PAMR1: variants seen among roughly 807,000 people sequenced by gnomAD.
PAMR1 encodes peptidase domain containing associated with muscle regeneration 1, also known as inactive serine protease PAMR1.
PAMR1 carries 88 observed loss-of-function variants against 81.8 expected under a neutral mutation model. The ratio of observed to expected loss-of-function variants is 1.08; its 90% confidence interval spans 0.91 to 1.28. PAMR1 has a LOEUF of 1.28. PAMR1 is among the 50% of genes most tolerant of loss of function. The pLI, the probability that PAMR1 is intolerant of heterozygous loss-of-function variation, is 0.00. For synonymous variants in PAMR1, 336 were observed against 345.3 expected, an observed-to-expected ratio of 0.97 and a Z score of 0.30; for missense variants, 935 against 919.7, an observed-to-expected ratio of 1.02 and a Z score of -0.21.
At chr11:35,482,968 T>C (rs768706334) in intron 3 of PAMR1, among the ~76,000 whole-genome samples, 7 of 152,244 alleles carry the variant, frequency 4.6e-5, no homozygotes, top group Non-Finnish European at 7.3e-5. Flanking sequence ...TATGTAAAAG[T>C]TTCTTGTTTG....
At chr11:35,480,932 C>T (rs1291469048) in intron 3 of PAMR1, among the ~76,000 whole-genome samples, 1 of 152,176 alleles carries the variant, frequency 6.6e-6, no homozygotes, top group Non-Finnish European at 1.5e-5. Flanking sequence ...TCAGCTCCCA[C>T]TTATGAGTGA....
chr11:35,463,458 T>C lies in PAMR1; in HGVS notation c.820+4543A>G, dbSNP rs180720663. ...CTGGGCCGGGGGAACAAAGGCAACA[T>C]GGAAATTAGAGCAGGACGATGAATC... On this transcript the variant is annotated intron_variant, in intron 6 of 10. Transcript: ENST00000619888. Among the ~76,000 whole-genome samples the C allele has an allele frequency of 5.9e-3, 896 of 152,268 alleles. 7 individuals carry two copies. Among genetic ancestry groups the C allele is most frequent in the Middle Eastern group, 0.024 (7 of 294 alleles).
intron 1 of PAMR1, among the ~76,000 whole-genome samples, chr11:35,523,373 G>C (rs1404731095): frequency 6.6e-6 from 1 of 152,160 alleles, no homozygotes; most frequent in Non-Finnish European, 1.5e-5. Context: ...ATTCCCAAGA[G>C]TCCCATATTT....
chr11:35,472,712 T>C (rs1477786278), intron 4 of PAMR1, among the ~76,000 whole-genome samples: 1 of 151,990 alleles, frequency 6.6e-6, no homozygotes, highest in East Asian at 1.9e-4. Flanking sequence ...GGCAGGGGAA[T>C]CTGTAAGTGC....
In PAMR1 at chr11:35,456,048, A is replaced by G. The variant is rs543989326; in HGVS notation, c.820+11953T>C. ...AAGGGATGTCACTGCAGGAAATTCA[A>G]TTTTACTTCTTTGGGCCAACTCAAT... On this transcript the variant is annotated intron_variant, in intron 6 of 10. Transcript: ENST00000619888. Among the ~76,000 whole-genome samples, 3 of 152,326 alleles carry G rather than the reference A, an allele frequency of 2.0e-5. No individual in the cohort carries two copies. The East Asian group carries it at 5.8e-4, about 29-fold the overall frequency.
At chr11:35,436,549 T>C (rs1856049683) in intron 8 of PAMR1, among the ~76,000 whole-genome samples, 1 of 152,164 alleles carries the variant, frequency 6.6e-6, no homozygotes, top group Non-Finnish European at 1.5e-5. Flanking sequence ...CCTCCCAAAG[T>C]GCTGGGATTA....
chr11:35,434,121 T>A (rs1855979665), intron 10 of PAMR1, among the ~76,000 whole-genome samples: 1 of 152,138 alleles, frequency 6.6e-6, no homozygotes, highest in African/African-American at 2.4e-5. Context: ...ACAACATTCA[T>A]GGAGCTAACG....
At chr11:35,504,853 C>T (rs1280784557) in intron 1 of PAMR1, among the ~76,000 whole-genome samples, 1 of 151,590 alleles carries the variant, frequency 6.6e-6, no homozygotes. Context: ...TTTTTAGTCT[C>T]AATTTAATTT....
In PAMR1 at chr11:35,470,610, C is replaced by T; in HGVS notation, c.703G>A (p.Glu235Lys). Reference sequence around the variant, plus strand: ...TCTCCTTGGCCTTTACCTGTGATCTCCTCATAAATGGCATGGAAACCGTCA... The same window carrying T: ...TCTCCTTGGCCTTTACCTGTGATCTTCTCATAAATGGCATGGAAACCGTCA... ...NFDGFHAIYE[E>K]ITACSSSPCF... is the part of the protein sequence containing the mutation. The change falls in exon 5 of 11, where the codon GAG (glutamate) becomes AAG (lysine). Residue 235 changes from glutamate to lysine, a missense_variant. Glu to Lys is a moderately conservative substitution (Grantham distance 56). Coordinates refer to ENST00000619888, the MANE Select transcript of PAMR1 (RefSeq NM_001001991.3). 6.2e-7 allele frequency: 1 copy of T among 1,613,872 alleles called. No individual in the cohort carries two copies. The highest frequency in any genetic ancestry group is 8.5e-7 in the Non-Finnish European group (1 of 1,179,798).
chr11:35,515,377 T>C (rs1046236747), intron 1 of PAMR1, among the ~76,000 whole-genome samples: 4 of 152,196 alleles, frequency 2.6e-5, no homozygotes, highest in South Asian at 4.1e-4. Flanking sequence ...TGTAGAAATA[T>C]GTTGAGCCAG....
At chr11:35,515,423 C>T (rs1406330010) in intron 1 of PAMR1, among the ~76,000 whole-genome samples, 2 of 152,150 alleles carry the variant, frequency 1.3e-5, no homozygotes, top group East Asian at 1.9e-4. Flanking sequence ...CAATGGGTCC[C>T]GAAGCCCTGA....
intron 1 of PAMR1, among the ~76,000 whole-genome samples, chr11:35,518,297 G>T (rs1851206492): frequency 6.6e-6 from 1 of 151,934 alleles, no homozygotes; most frequent in African/African-American, 2.4e-5. Context: ...TAGAAGCTAA[G>T]CCCAGGCAAC....
rs377068490 is a variant in PAMR1 at position 35,492,056 on chromosome 11, C to T, written c.368G>A (p.Gly123Glu). Reference protein sequence around the residue: ...CAECRAGWYGGDCMRCGQVLR... With the variant: ...CAECRAGWYGEDCMRCGQVLR... Reference sequence around the variant, plus strand: ...CAAGGTCTACTTACGCATGCAGTCTCCTCCGTACCAGCCTGCTCGGCACTC... The same window carrying T: ...CAAGGTCTACTTACGCATGCAGTCTTCTCCGTACCAGCCTGCTCGGCACTC... The change falls in exon 3 of 11, where the codon GGA becomes GAA. Residue 123 changes from glycine (G) to glutamate (E), a missense_variant. Transcript: ENST00000619888. 1.9e-6 allele frequency: 3 copies of T among 1,613,426 alleles called. No homozygotes were observed. Among genetic ancestry groups the T allele is most frequent in the South Asian group, 1.1e-5 (1 of 90,942 alleles).
chr11:35,440,661 C>T (rs1856145584), intron 7 of PAMR1, among the ~76,000 whole-genome samples: 1 of 152,180 alleles, frequency 6.6e-6, no homozygotes, highest in Admixed American at 6.5e-5. Flanking sequence ...CAGTGAGAAA[C>T]TATGCATCCC....
chr11:35,483,025 T>A (rs1480001968), intron 3 of PAMR1, among the ~76,000 whole-genome samples: 2 of 152,206 alleles, frequency 1.3e-5, no homozygotes, highest in African/African-American at 4.8e-5. Flanking sequence ...TGACTGGTTG[T>A]TCTCTTGAAT....
At chr11:35,477,687 CTGTT>C (rs1375646311) in intron 3 of PAMR1, among the ~76,000 whole-genome samples, 1 of 152,160 alleles carries the variant, frequency 6.6e-6, no homozygotes, top group Non-Finnish European at 1.5e-5. Context: ...TAAATGTTAG[CTGTT>C]TGTATCGAGT....
At chr11:35,437,523 C>T (rs1427343732) in intron 8 of PAMR1, among the ~76,000 whole-genome samples, 1 of 152,256 alleles carries the variant, frequency 6.6e-6, no homozygotes, top group Non-Finnish European at 1.5e-5. Flanking sequence ...AGCTCCTGAA[C>T]TTGCAAACAA....
upstream of PAMR1, among the ~76,000 whole-genome samples, chr11:35,528,602 A>T (rs930389662): frequency 1.3e-5 from 2 of 151,550 alleles, no homozygotes; most frequent in Admixed American, 1.3e-4. Context: ...TCTCTTGTTA[A>T]TCTGTTTTTT....
intron 3 of PAMR1, among the ~76,000 whole-genome samples, chr11:35,490,297 A>G (rs1850594844): frequency 6.6e-6 from 1 of 152,216 alleles, no homozygotes; most frequent in Admixed American, 6.5e-5. Flanking sequence ...ACCATATCAA[A>G]GGCGTGATCA....
Sources: gnomAD v4.1 joint callset for allele counts (sites outside exome capture counted in the v4.1 genomes callset) on GRCh38, gnomAD v4.1.1 for gene constraint, MANE v1.5 for transcripts, NCBI Gene and HGNC (gene_info 2026-07-23, HGNC 2026-07-21) for gene names.